The following COL24A1 variants were observed in gnomAD, a reference collection of about 807,000 sequenced individuals.
The protein encoded by COL24A1 is collagen type XXIV alpha 1 chain, also known as collagen alpha-1(XXIV) chain.
A neutral mutation model predicts 253.9 loss-of-function variants in COL24A1; 224 were observed. The ratio of observed to expected loss-of-function variants is 0.88; its 90% CI spans 0.79 to 0.99. COL24A1 has a LOEUF of 0.99. Among genes scored for constraint, COL24A1 ranks in the 50% least tolerant of loss-of-function variants. The pLI, the probability that COL24A1 is intolerant of heterozygous loss-of-function variation, is 0.00. For missense variants in COL24A1, 2,131 were observed against 2,068.5 expected (o/e 1.03, Z -0.59); for synonymous variants, 685 against 673.7 (o/e 1.02, Z -0.26).
At chr1:85,915,937 G>C (rs1685855920) in intron 24 of COL24A1, among the ~76,000 whole-genome samples, 1 of 152,088 alleles carries the variant, frequency 6.6e-6, no homozygotes, top group South Asian at 2.1e-4. Context: ...CTTTTTCTAA[G>C]ACATATGATC....
At chr1:85,788,067 T>G (rs1483626173) in intron 47 of COL24A1, among the ~76,000 whole-genome samples, 1 of 152,096 alleles carries the variant, frequency 6.6e-6, no homozygotes, top group African/African-American at 2.4e-5. Context: ...TTTGCCCACT[T>G]TTTATTTTTT....
At chr1:85,918,684 G>T (rs2102989204) in intron 24 of COL24A1, among the ~76,000 whole-genome samples, 1 of 152,220 alleles carries the variant, frequency 6.6e-6, no homozygotes, top group Admixed American at 6.5e-5. Flanking sequence ...GCTGAGGTCT[G>T]CCAAATTTCA....
At chr1:85,915,104 G>A (rs974888828) in intron 24 of COL24A1, among the ~76,000 whole-genome samples, 1 of 152,140 alleles carries the variant, frequency 6.6e-6, no homozygotes, top group Non-Finnish European at 1.5e-5. Context: ...ACTGACTAAA[G>A]CAGATTGCCT....
intron 20 of COL24A1, among the ~76,000 whole-genome samples, chr1:85,979,054 A>C (rs956163493): frequency 1.3e-5 from 2 of 152,158 alleles, no homozygotes; most frequent in African/African-American, 4.8e-5. Context: ...AACCATACAA[A>C]CACATGAAAA....
chr1:86,022,002 A>G (rs1697580926), intron 18 of COL24A1, among the ~76,000 whole-genome samples: 1 of 152,210 alleles, frequency 6.6e-6, no homozygotes, highest in African/African-American at 2.4e-5. Flanking sequence ...TCAGTAGAAT[A>G]ATATGACCAA....
chr1:86,050,680 G>A (rs2101680047), intron 10 of COL24A1, among the ~76,000 whole-genome samples: 1 of 152,098 alleles, frequency 6.6e-6, no homozygotes, highest in East Asian at 1.9e-4. Flanking sequence ...GTAACAATTG[G>A]GGAGTGTTTG....
At chr1:85,777,500 T>G (rs1433110310) in intron 52 of COL24A1, among the ~76,000 whole-genome samples, 3 of 152,164 alleles carry the variant, frequency 2.0e-5, no homozygotes, top group Non-Finnish European at 1.5e-5. Context: ...TATAATAAAT[T>G]CTTTTAAACA....
chr1:85,843,397 A>C (rs776992227), intron 39 of COL24A1, among the ~76,000 whole-genome samples: 4 of 152,224 alleles, frequency 2.6e-5, no homozygotes, highest in Non-Finnish European at 5.9e-5. Context: ...ACCTAGGTGA[A>C]TAATCTAGAA....
intron 43 of COL24A1, among the ~76,000 whole-genome samples, chr1:85,833,860 G>A (rs879706259): frequency 2.0e-5 from 3 of 150,574 alleles, no homozygotes; most frequent in Admixed American, 6.7e-5. Flanking sequence ...GCAAACTATG[G>A]CAAGGACAAA....
intron 47 of COL24A1, among the ~76,000 whole-genome samples, chr1:85,789,210 C>G (rs771526616): frequency 5.9e-5 from 9 of 151,990 alleles, no homozygotes; most frequent in Non-Finnish European, 1.2e-4. Flanking sequence ...GAATGTTTTT[C>G]CATTTGTGTC....
chr1:86,056,727 G>A (rs1175511119), intron 10 of COL24A1, among the ~76,000 whole-genome samples: 3 of 151,716 alleles, frequency 2.0e-5, no homozygotes, highest in African/African-American at 7.3e-5. Context: ...GGTGGCACGT[G>A]CCTGTAGTCC....
chr1:85,978,896 A>C (rs753824782), intron 20 of COL24A1, among the ~76,000 whole-genome samples: 59 of 152,206 alleles, frequency 3.9e-4, no homozygotes, highest in Non-Finnish European at 6.6e-4. Context: ...CATTCTTTTC[A>C]TCAGAGTATA....
chr1:85,898,364 T>C (rs1211888913), intron 28 of COL24A1, among the ~76,000 whole-genome samples: 2 of 152,190 alleles, frequency 1.3e-5, no homozygotes. Flanking sequence ...GGTAACTGCA[T>C]TCCTTGATCC....
At chr1:85,795,391 T>C (rs565962336) in intron 47 of COL24A1, among the ~76,000 whole-genome samples, 1 of 152,308 alleles carries the variant, frequency 6.6e-6, no homozygotes, top group African/African-American at 2.4e-5. Context: ...AGCCGTCATA[T>C]TCTCATTAGG....
chr1:86,148,718 A>G (rs1652287443), intron 1 of COL24A1, among the ~76,000 whole-genome samples: 1 of 152,106 alleles, frequency 6.6e-6, no homozygotes. Flanking sequence ...CATGGTGTAT[A>G]TGTGCCACAT....
chr1:86,143,416 A>T (rs1651434099), intron 2 of COL24A1, among the ~76,000 whole-genome samples: 1 of 152,212 alleles, frequency 6.6e-6, no homozygotes, highest in Non-Finnish European at 1.5e-5. Context: ...TAAAGCAAAC[A>T]GAAAAGGAGG....
intron 19 of COL24A1, among the ~76,000 whole-genome samples, chr1:86,009,181 G>C (rs1295405849): frequency 6.6e-6 from 1 of 152,116 alleles, no homozygotes; most frequent in Non-Finnish European, 1.5e-5. Context: ...AAGCTCAGAG[G>C]ACTTAAAACC....
At chr1:85,946,625 A>G (rs1689347059) in intron 24 of COL24A1, among the ~76,000 whole-genome samples, 1 of 152,118 alleles carries the variant, frequency 6.6e-6, no homozygotes, top group African/African-American at 2.4e-5. Context: ...GGCAGTTCTT[A>G]TTTTCTACCC....
chr1:86,141,486 C>G (rs991056694), intron 2 of COL24A1, among the ~76,000 whole-genome samples: 3 of 152,122 alleles, frequency 2.0e-5, no homozygotes, highest in African/African-American at 7.2e-5. Flanking sequence ...CCCATCAACC[C>G]AAGAACCTCT....
Sources: gnomAD v4.1 joint callset for allele counts (sites outside exome capture counted in the v4.1 genomes callset) on GRCh38, gnomAD v4.1.1 for gene constraint, MANE v1.5 for transcripts, NCBI Gene and HGNC (gene_info 2026-07-23, HGNC 2026-07-21) for gene names.